MEGF11: variants seen among roughly 807,000 people sequenced by gnomAD.
MEGF11 encodes multiple epidermal growth factor-like domains protein 11.
A neutral mutation model predicts 146.6 loss-of-function variants in MEGF11; 126 were observed. That is an observed-to-expected ratio of 0.86 (90% CI 0.74 to 1.00). MEGF11 has a LOEUF of 1.00. Among genes scored for constraint, MEGF11 ranks in the 50% least tolerant of loss-of-function variants. The pLI, the probability that MEGF11 is intolerant of heterozygous loss-of-function variation, is 0.00. For missense variants in MEGF11, 1,509 were observed against 1,521.2 expected (o/e 0.99, Z 0.13); for synonymous variants, 532 against 583.4 (o/e 0.91, Z 1.27).
intron 10 of MEGF11, among the ~76,000 whole-genome samples, chr15:65,931,398 C>T (rs910908128): frequency 8.5e-5 from 13 of 152,160 alleles, no homozygotes; most frequent in South Asian, 6.2e-4. Context: ...ACACTGTGAG[C>T]GAGCAGGAAA....
At chr15:66,135,488 G>A (rs1306835621) in intron 1 of MEGF11, among the ~76,000 whole-genome samples, 2 of 152,244 alleles carry the variant, frequency 1.3e-5, no homozygotes, top group Non-Finnish European at 2.9e-5. Flanking sequence ...ATGGCTAGGA[G>A]AGGGTAGTAG....
At chr15:66,211,390 G>GGCAGGCACCTGTA (rs919552598) in intron 1 of MEGF11, among the ~76,000 whole-genome samples, 11 of 152,064 alleles carry the variant, frequency 7.2e-5, no homozygotes, top group Non-Finnish European at 1.3e-4. Context: ...CGAGCATGGT[G>GGCAGGCACCTGTA]GCAGGCACCT....
intron 9 of MEGF11, among the ~76,000 whole-genome samples, chr15:65,963,952 G>A (rs2080963911): frequency 6.6e-6 from 1 of 152,248 alleles, no homozygotes; most frequent in South Asian, 2.1e-4. Flanking sequence ...GCAAAGCAGA[G>A]GGATTCTCTG....
At chr15:66,187,670 G>A (rs1368883165) in intron 1 of MEGF11, among the ~76,000 whole-genome samples, 1 of 136,316 alleles carries the variant, frequency 7.3e-6, no homozygotes. Context: ...GAGGGGAGGA[G>A]CAATGGAACA....
intron 13 of MEGF11, among the ~76,000 whole-genome samples, chr15:65,925,153 T>G (rs895288303): frequency 6.6e-6 from 1 of 152,256 alleles, no homozygotes; most frequent in African/African-American, 2.4e-5. Flanking sequence ...ACAGTGTATG[T>G]GAAAGCACCA....
chr15:66,215,463 A>AT (rs1253589086), intron 1 of MEGF11, among the ~76,000 whole-genome samples: 1 of 152,202 alleles, frequency 6.6e-6, no homozygotes, highest in African/African-American at 2.4e-5. Context: ...AGCTGATTCA[A>AT]TTCAAGCAGA....
intron 5 of MEGF11, among the ~76,000 whole-genome samples, chr15:66,016,210 G>A (rs1456272744): frequency 6.6e-6 from 1 of 151,950 alleles, no homozygotes; most frequent in African/African-American, 2.4e-5. Flanking sequence ...CCTCCATCCT[G>A]TGGTTTATTT....
chr15:66,037,183 AG>A (rs549254279), intron 5 of MEGF11, among the ~76,000 whole-genome samples: 93 of 152,316 alleles, frequency 6.1e-4, no homozygotes, highest in Non-Finnish European at 1.2e-3. Flanking sequence ...CGCAGCATCC[AG>A]CCCTCCCATT....
chr15:66,062,899 G>C (rs1371094959), intron 5 of MEGF11, among the ~76,000 whole-genome samples: 5 of 152,246 alleles, frequency 3.3e-5, no homozygotes. Context: ...ATGAGGTTGA[G>C]TGGCATGATT....
chr15:66,016,495 T>TC (rs2082890881), intron 5 of MEGF11, among the ~76,000 whole-genome samples: 1 of 151,442 alleles, frequency 6.6e-6, no homozygotes, highest in African/African-American at 2.4e-5. Context: ...TTTTTTTTTT[T>TC]TTTTGGAAGC....
chr15:66,175,651 A>G (rs544818512), intron 1 of MEGF11, among the ~76,000 whole-genome samples: 1 of 152,350 alleles, frequency 6.6e-6, no homozygotes, highest in Non-Finnish European at 1.5e-5. Flanking sequence ...CCTATCTCTC[A>G]TCATACAGAA....
Position 66,232,138 on chromosome 15 carries a change from G to A in MEGF11, c.-9+21467C>T, listed in dbSNP as rs116774453. Among the ~76,000 whole-genome samples, 859 of 152,272 alleles carry A rather than the reference G, an allele frequency of 5.6e-3. 9 individuals are homozygous for A. The highest frequency in any genetic ancestry group is 0.02 in the African/African-American group (822 of 41,538). On this transcript the variant is annotated intron_variant, in intron 1 of 25. Transcript: ENST00000395614. ...AAGCTGCCCTCGGCAGGCAGCCTAGGCCAGGAGCCTGCAGAGCTGAACATC... is the reference window on the plus strand; with the variant it reads ...AAGCTGCCCTCGGCAGGCAGCCTAGACCAGGAGCCTGCAGAGCTGAACATC...
chr15:66,253,421 G>A lies in MEGF11; in HGVS notation c.-9+184C>T, dbSNP rs560449706. On this transcript the variant is annotated intron_variant, in intron 1 of 25. Coordinates refer to ENST00000395614, the MANE Select transcript of MEGF11 (RefSeq NM_001385028.1). ...CAAGCCCCGGCATCCACCTACTCCC[G>A]GAGCCAAACTCGGCTTCGGCAGCCG... Among the ~76,000 whole-genome samples the A allele has an allele frequency of 3.4e-3, 522 of 152,270 alleles. 4 individuals carry two copies. Among genetic ancestry groups the A allele is most frequent in the African/African-American group, 0.011 (468 of 41,576 alleles).
intron 1 of MEGF11, among the ~76,000 whole-genome samples, chr15:66,240,717 C>T (rs1408853240): frequency 6.6e-6 from 1 of 152,182 alleles, no homozygotes; most frequent in Non-Finnish European, 1.5e-5. Flanking sequence ...TGGTCAGAAA[C>T]CATGCAGCTA....
intron 1 of MEGF11, among the ~76,000 whole-genome samples, chr15:66,198,065 T>C (rs2091054347): frequency 6.6e-6 from 1 of 152,140 alleles, no homozygotes; most frequent in African/African-American, 2.4e-5. Context: ...TCTCAATAAA[T>C]AAATACATAA....
intron 5 of MEGF11, among the ~76,000 whole-genome samples, chr15:66,042,607 C>T (rs1274539139): frequency 6.6e-6 from 1 of 152,206 alleles, no homozygotes; most frequent in Non-Finnish European, 1.5e-5. Flanking sequence ...TATCAACTCA[C>T]AGTTCCAGAG....
intron 4 of MEGF11, among the ~76,000 whole-genome samples, chr15:66,100,971 GGTGAGTGA>G (rs2086778623): frequency 6.7e-6 from 1 of 150,122 alleles, no homozygotes; most frequent in Non-Finnish European, 1.5e-5. Flanking sequence ...TGAACAGGCG[GGTGAGTGA>G]GCCAGTGAGT....
At chr15:65,965,310 T>G (rs1411348060) in intron 8 of MEGF11, 190 bp from the exon 9 acceptor site, 2 of 513,858 alleles carry the variant, frequency 3.9e-6, no homozygotes, top group African/African-American at 1.9e-5. Context: ...CCCAGTCATT[T>G]CTGCCTTTCA....
At chr15:66,090,792 C>T (rs1005338175) in intron 5 of MEGF11, among the ~76,000 whole-genome samples, 2 of 152,276 alleles carry the variant, frequency 1.3e-5, no homozygotes, top group East Asian at 1.9e-4. Context: ...AGGAGATTCA[C>T]GTTTATTAAC....
Sources: allele counts gnomAD v4.1 joint callset (sites outside exome capture counted in the v4.1 genomes callset), GRCh38; gene constraint gnomAD v4.1.1; transcripts MANE v1.5; gene names NCBI Gene and HGNC (gene_info 2026-07-23, HGNC 2026-07-21).